The following KLF3 variants were observed in gnomAD, a reference collection of about 807,000 sequenced individuals.
KLF3 encodes KLF transcription factor 3.
Under a neutral mutation model 32.7 loss-of-function variants are expected in KLF3, and 6 were observed. That is an observed-to-expected ratio of 0.18 (90% CI 0.10 to 0.36). KLF3 has a LOEUF of 0.36. KLF3 is among the 10% of genes least tolerant of loss of function. The pLI, the probability that KLF3 is intolerant of heterozygous loss-of-function variation, is 1.00. For synonymous variants in KLF3, 145 were observed against 172.8 expected (o/e 0.84, Z 1.26); for missense variants, 338 against 449.7 (o/e 0.75, Z 2.25).
At chr4:38,684,541 G>GTTTTT (rs139709836) in intron 2 of KLF3, among the ~76,000 whole-genome samples, 3 of 109,158 alleles carry the variant, frequency 2.7e-5, no homozygotes, top group South Asian at 3.0e-4. Flanking sequence ...GGTTTTTTGT[G>GTTTTT]TTTTTTTTTT....
rs1722505556 is a variant in KLF3, at chr4:38,680,969, G to A, written c.57+287G>A. On this transcript the variant is annotated intron_variant, in intron 2 of 5. Coordinates refer to ENST00000261438, the MANE Select transcript of KLF3 (RefSeq NM_016531.6). ...GGAGGCTGAGGCAGGAGAGTCGCTT[G>A]AACCCGGGAGATGTAGGTTACAGTG... 1.5e-5 allele frequency: 4 copies of A among 267,240 alleles called. No homozygotes were observed. The South Asian group carries it at 1.8e-4, about 12-fold the overall frequency. The allele number at this position is 267,240 out of a possible 1,614,324, so 16.6% of individuals were successfully genotyped here.
rs1721901435 is a variant in KLF3, at chr4:38,664,200, G to C, written c.-301G>C. ...CCCCGCCAGCCCCGGGAGGCTCGCA[G>C]AGCGAGCGGCGCCGGCGTCATGTGA... On this transcript the variant is annotated 5_prime_UTR_variant, in exon 1 of 6. Transcript: ENST00000261438. 6.6e-6 allele frequency: 1 copy of C among 151,914 alleles called. No homozygotes were observed. Among genetic ancestry groups the C allele is most frequent in the South Asian group, 2.1e-4 (1 of 4,822 alleles). 9.4% of individuals were successfully genotyped at this position (151,914 alleles called of 1,614,324 possible).
intron 1 of KLF3, among the ~76,000 whole-genome samples, chr4:38,670,474 T>C (rs979674515): frequency 6.6e-6 from 1 of 152,188 alleles, no homozygotes; most frequent in Non-Finnish European, 1.5e-5. Flanking sequence ...AAATCAAGTG[T>C]GGGGTTTTTT....
intron 1 of KLF3, among the ~76,000 whole-genome samples, chr4:38,675,632 C>T (rs1225654122): frequency 6.6e-6 from 1 of 151,946 alleles, no homozygotes; most frequent in Non-Finnish European, 1.5e-5. Context: ...TGGTTAAAAC[C>T]CACTAGGTTT....
rs1680671518 is a variant in KLF3 at position 38,697,724 on chromosome 4, C to T, written c.*461C>T. On this transcript the variant is annotated 3_prime_UTR_variant, in exon 6 of 6. Transcript: ENST00000261438. ...CTTGACAGTGAAAACAAGTGTGGCC[C>T]CTTGCACCGGTTAGCTAGAAGTACA... The T allele has an allele frequency of 6.5e-6, 1 of 153,332 alleles. No individual in the cohort carries two copies. Among genetic ancestry groups the T allele is most frequent in the South Asian group, 2.1e-4 (1 of 4,878 alleles). 9.5% of individuals were successfully genotyped at this position (153,332 alleles called of 1,614,324 possible). A position where few individuals can be genotyped will look rare whatever the true frequency, so the allele number is the denominator to read the frequency against.
chr4:38,688,853 C>T lies in KLF3; in HGVS notation c.326C>T (p.Pro109Leu), dbSNP rs766713070. The T allele has an allele frequency of 2.5e-6, 4 of 1,614,238 alleles. No individual in the cohort carries two copies. Among genetic ancestry groups the T allele is most frequent in the Non-Finnish European group, 3.4e-6 (4 of 1,180,040 alleles). Reference protein sequence around the residue: ...SSSPPIKKYSPPSPGVQPFGV... With the variant: ...SSSPPIKKYSLPSPGVQPFGV... ...AGCCCACCGATAAAAAAATACTCAC[C>T]CCCTTCTCCAGGCGTGCAGCCCTTC... The change falls in exon 3 of 6, where the codon CCC (proline) becomes CTC (leucine). Residue 109 changes from proline to leucine, a missense_variant. Pro to Leu is a moderately conservative substitution (Grantham distance 98). Coordinates refer to ENST00000261438, the MANE Select transcript of KLF3 (RefSeq NM_016531.6). This position sits in a 1 kb window ranked among gnomAD's most constrained non-coding sequence, Gnocchi z 4.9.
intron 4 of KLF3, among the ~76,000 whole-genome samples, chr4:38,693,089 CACGTATATATATATGTACATATATAT>C (rs1189503143): frequency 2.5e-5 from 3 of 121,246 alleles, no homozygotes; most frequent in Non-Finnish European, 5.1e-5. Context: ...CATATATATA[CACGTATATATATATGTACATATATAT>C]ACATATATAT....
At chr4:38,677,789 C>T (rs757994887) in intron 1 of KLF3, among the ~76,000 whole-genome samples, 3 of 151,924 alleles carry the variant, frequency 2.0e-5, no homozygotes, top group African/African-American at 7.3e-5. Context: ...ATTTTTGCTC[C>T]GGAAGTTGGA....
At position 38,688,769 on chromosome 4, in the gene KLF3, C is replaced by T. The variant is rs1230844627; in HGVS notation, c.242C>T (p.Ser81Phe). The change falls in exon 3 of 6, where the codon TCT becomes TTT. Residue 81 changes from serine to phenylalanine, a missense_variant. Coordinates refer to ENST00000261438, the MANE Select transcript of KLF3 (RefSeq NM_016531.6). The surrounding 1 kb of genome is among the most constrained non-coding windows in gnomAD (Gnocchi z 4.9). Reference sequence around the variant, plus strand: ...CCTTCGGCTGGGAATTCGCCCTCCTCTCTGAAGTTCCCGTCCTCACACCGG... The same window carrying T: ...CCTTCGGCTGGGAATTCGCCCTCCTTTCTGAAGTTCCCGTCCTCACACCGG... ...SPPSAGNSPS[S>F]LKFPSSHRRA... The T allele has an allele frequency of 1.2e-6, 2 of 1,614,218 alleles. No individual in the cohort carries two copies. The highest frequency in any genetic ancestry group is 1.7e-6 in the Non-Finnish European group (2 of 1,180,036).
intron 1 of KLF3, among the ~76,000 whole-genome samples, chr4:38,667,548 A>G (rs928457940): frequency 1.3e-5 from 2 of 152,138 alleles, no homozygotes. Context: ...ACCTTTTTAA[A>G]TTTTTTATTG....
intron 1 of KLF3, among the ~76,000 whole-genome samples, chr4:38,677,021 T>C (rs337612): frequency 0.86 from 127,801 of 147,872 alleles, 55,808 homozygotes; most frequent in African/African-American, 0.97. Flanking sequence ...AGTGCAGTGG[T>C]GCTATTTGGG....
intron 1 of KLF3, among the ~76,000 whole-genome samples, chr4:38,679,516 C>T (rs761128765): frequency 6.6e-6 from 1 of 152,142 alleles, no homozygotes; most frequent in Non-Finnish European, 1.5e-5. Context: ...ACTTCTCACC[C>T]AGGAATTCCC....
intron 2 of KLF3, among the ~76,000 whole-genome samples, chr4:38,683,748 C>T (rs1330584831): frequency 6.6e-6 from 1 of 152,042 alleles, no homozygotes; most frequent in Non-Finnish European, 1.5e-5. Flanking sequence ...TAAAAGTATT[C>T]TTCTATTCCT....
chr4:38,689,056 A>T lies in KLF3; in HGVS notation c.529A>T (p.Ser177Cys), dbSNP rs148849961. ...CTTATCGGAGGAGATGGAAAATTCC[A>T]GTAGTAGCATGCAAGGTAAATTCCG... ...VSLSEEMENS[S>C]SSMQVPVIES... The change falls in exon 3 of 6, where the codon AGT (serine) becomes TGT (cysteine). Residue 177 changes from serine (S) to cysteine (C), a missense_variant. Transcript: ENST00000261438. 154 of 1,613,186 alleles carry T rather than the reference A, an allele frequency of 9.5e-5. No homozygotes were observed. In the Admixed American group the frequency reaches 2.5e-3, roughly 27 times the overall value.
intron 5 of KLF3, among the ~76,000 whole-genome samples, chr4:38,696,200 A>T (rs886449406): frequency 6.6e-6 from 1 of 151,734 alleles, no homozygotes; most frequent in African/African-American, 2.4e-5. Flanking sequence ...AAAAAAAAAA[A>T]AAAAAAAACG....
chr4:38,691,970 A>G (rs529888742), intron 4 of KLF3, among the ~76,000 whole-genome samples: 1 of 152,380 alleles, frequency 6.6e-6, no homozygotes, highest in South Asian at 2.1e-4. Context: ...TACAGCTTTG[A>G]AATCCATTTG....
At chr4:38,666,185 A>G (rs1403252637) in intron 1 of KLF3, among the ~76,000 whole-genome samples, 2 of 152,238 alleles carry the variant, frequency 1.3e-5, no homozygotes, top group Non-Finnish European at 2.9e-5. Flanking sequence ...TTTAGCTTGC[A>G]TGAAAGGGAA....
chr4:38,697,565 C>A lies in KLF3; in HGVS notation c.*302C>A. ...TAATAAGAACAAGGGAACATGTAAA[C>A]TAACATAACCAATTGTCAGTTCTCC... is the stretch of plus-strand genomic sequence containing the variant. On this transcript the variant is annotated 3_prime_UTR_variant, in exon 6 of 6. Transcript: ENST00000261438. 3.7e-6 allele frequency: 1 copy of A among 271,688 alleles called. No homozygotes were observed. Among genetic ancestry groups the A allele is most frequent in the Admixed American group, 4.9e-5 (1 of 20,460 alleles). The allele number at this position is 271,688 out of a possible 1,614,324, so 16.8% of individuals were successfully genotyped here.
intron 2 of KLF3, among the ~76,000 whole-genome samples, chr4:38,684,672 G>A (rs1722639427): frequency 6.6e-6 from 1 of 150,768 alleles, no homozygotes; most frequent in Non-Finnish European, 1.5e-5. Flanking sequence ...TCCTCCCTCA[G>A]CCTCCCCAGT....
Sources: gnomAD v4.1 joint callset for allele counts (sites outside exome capture counted in the v4.1 genomes callset) on GRCh38, gnomAD v4.1.1 for gene constraint, Gnocchi (gnomAD v3.1) non-coding constraint, MANE v1.5 for transcripts, NCBI Gene and HGNC (gene_info 2026-07-23, HGNC 2026-07-21) for gene names.